The following GPHN variants were observed in gnomAD, a reference collection of about 807,000 sequenced individuals.
The protein encoded by GPHN is gephyrin.
A neutral mutation model predicts 95.5 loss-of-function variants in GPHN; 17 were observed. The observed-to-expected ratio is 0.18, with a 90% CI of 0.12 to 0.27. The LOEUF is 0.27. GPHN is among the 10% of genes least tolerant of loss of function. GPHN has a pLI of 1.00. For synonymous variants in GPHN, 320 were observed against 322.5 expected (o/e 0.99, Z 0.08); for missense variants, 660 against 978.1 (o/e 0.67, Z 4.34).
At chr14:66,557,289 A>C (rs755867357) in intron 1 of GPHN, among the ~76,000 whole-genome samples, 5 of 152,072 alleles carry the variant, frequency 3.3e-5, no homozygotes, top group Non-Finnish European at 7.4e-5. Flanking sequence ...AGATAGAATG[A>C]ATTTAATGAG....
At chr14:66,522,890 G>T (rs1240881610) in intron 1 of GPHN, among the ~76,000 whole-genome samples, 1 of 151,660 alleles carries the variant, frequency 6.6e-6, no homozygotes, top group Non-Finnish European at 1.5e-5. Context: ...ACCAGTCTTG[G>T]TTCTGTTACC....
At chr14:67,204,313 T>C in the GPHN span, among the ~76,000 whole-genome samples, 158 of 151,988 alleles carry the variant, frequency 1.0e-3, no homozygotes, top group African/African-American at 3.6e-3. Flanking sequence ...GTGGTACATA[T>C]CTGTTGTCCC....
At chr14:66,681,314 A>G in intron 2 of GPHN, 129 bp downstream of exon 2, 1 of 662,518 alleles carries the variant, frequency 1.5e-6, no homozygotes. Flanking sequence ...AATGCGTTTT[A>G]CACATATTGA....
chr14:67,030,268 T>C (rs1031529057), intron 10 of GPHN, among the ~76,000 whole-genome samples: 1 of 152,180 alleles, frequency 6.6e-6, no homozygotes, highest in Non-Finnish European at 1.5e-5. Context: ...TCTTCCATAT[T>C]TCAAGGAGTA....
At chr14:66,785,711 C>CA (rs1406585282) in intron 3 of GPHN, among the ~76,000 whole-genome samples, 118 of 86,352 alleles carry the variant, frequency 1.4e-3, no homozygotes, top group Middle Eastern at 6.0e-3. Flanking sequence ...GGAACCAAAC[C>CA]AAAAAAAAAC....
At chr14:66,710,209 TA>T (rs1410546266) in intron 2 of GPHN, among the ~76,000 whole-genome samples, 8 of 152,184 alleles carry the variant, frequency 5.3e-5, no homozygotes, top group Admixed American at 1.3e-4. Flanking sequence ...AACTGTATAT[TA>T]AGATGCTAAA....
chr14:67,274,062 T>A, the GPHN span, among the ~76,000 whole-genome samples: 1 of 152,192 alleles, frequency 6.6e-6, no homozygotes, highest in South Asian at 2.1e-4. Flanking sequence ...TTTTCTCCCA[T>A]TCTGTAGGTT....
chr14:67,443,248 T>C, the GPHN span, among the ~76,000 whole-genome samples: 1 of 151,700 alleles, frequency 6.6e-6, no homozygotes, highest in Non-Finnish European at 1.5e-5. Context: ...AAAAAATGAG[T>C]TCTGTACATT....
At chr14:67,325,156 T>C in the GPHN span, among the ~76,000 whole-genome samples, 2 of 151,928 alleles carry the variant, frequency 1.3e-5, no homozygotes, top group Non-Finnish European at 2.9e-5. Flanking sequence ...CCACCCGCCT[T>C]GGCCTCCCAA....
At chr14:67,587,498 C>G in the GPHN span, 1 of 489,022 alleles carries the variant, frequency 2.0e-6, no homozygotes, top group Non-Finnish European at 3.7e-6. Context: ...CTACCTGATT[C>G]TAGACATAGA....
At chr14:67,542,063 GA>G in the GPHN span, 5 of 1,394,578 alleles carry the variant, frequency 3.6e-6, no homozygotes, top group African/African-American at 7.3e-5. Context: ...CCGTGTGAGA[GA>G]GGGAGAGTTG....
At chr14:66,725,941 GTACC>G (rs2071196223) in intron 2 of GPHN, among the ~76,000 whole-genome samples, 2 of 152,004 alleles carry the variant, frequency 1.3e-5, no homozygotes, top group African/African-American at 4.8e-5. Flanking sequence ...TGTTTGTATT[GTACC>G]ATGATGATAA....
chr14:67,332,749 T>G, the GPHN span: 1 of 1,583,990 alleles, frequency 6.3e-7, no homozygotes, highest in South Asian at 1.1e-5. Context: ...AGGAAAGGAA[T>G]TATCTCACAG....
At chr14:67,336,839 G>A in the GPHN span, 1 of 447,676 alleles carries the variant, frequency 2.2e-6, no homozygotes, top group Middle Eastern at 3.5e-4. Context: ...CTGAACCTAA[G>A]ATTTTATTCT....
At chr14:67,687,658 A>AC in the GPHN span, among the ~76,000 whole-genome samples, 1 of 151,282 alleles carries the variant, frequency 6.6e-6, no homozygotes. Context: ...TTTAGTAGAG[A>AC]TGGGGTTTCT....
At chr14:67,646,959 TG>T in the GPHN span, 1 of 1,611,654 alleles carries the variant, frequency 6.2e-7, no homozygotes, top group South Asian at 1.1e-5. Flanking sequence ...TATTTTTCCA[TG>T]AGAGATATTG....
intron 9 of GPHN, among the ~76,000 whole-genome samples, chr14:66,987,497 A>G (rs1487668771): frequency 6.6e-6 from 1 of 152,104 alleles, no homozygotes; most frequent in African/African-American, 2.4e-5. Flanking sequence ...ATATACACAT[A>G]TATATGTTTA....
At chr14:66,709,273 C>T (rs963788276) in intron 2 of GPHN, 4 of 452,366 alleles carry the variant, frequency 8.8e-6, no homozygotes, top group Non-Finnish European at 1.3e-5. Flanking sequence ...AGGATTAGAA[C>T]TCTGTATTAG....
chr14:67,579,517 C>G, the GPHN span: 1 of 639,138 alleles, frequency 1.6e-6, no homozygotes. Flanking sequence ...AGGAGGGACC[C>G]AGGTATGCCC....
Sources: allele counts gnomAD v4.1 joint callset (sites outside exome capture counted in the v4.1 genomes callset), GRCh38; gene constraint gnomAD v4.1.1; transcripts MANE v1.5; gene names NCBI Gene and HGNC (gene_info 2026-07-23, HGNC 2026-07-21).